FAM178B: variants seen among roughly 807,000 people sequenced by gnomAD.
FAM178B encodes protein FAM178B.
Under a neutral mutation model 91.7 loss-of-function variants are expected in FAM178B, and 82 were observed. That is an observed-to-expected ratio of 0.89 (90% CI 0.75 to 1.07). The LOEUF is 1.07. FAM178B is among the 50% of genes least tolerant of loss of function. FAM178B has a pLI of 0.00. For missense variants in FAM178B, 769 were observed against 846.7 expected (o/e 0.91, Z 1.14); for synonymous variants, 368 against 359.4 (o/e 1.02, Z -0.27).
rs558987197 is a variant in FAM178B, at chr2:96,955,761, C to T, written c.888-4277G>A. Among the ~76,000 whole-genome samples, 3 of 152,274 alleles carry T rather than the reference C, an allele frequency of 2.0e-5. No individual in the cohort carries two copies. The South Asian group carries it at 6.2e-4, about 32-fold the overall frequency. ...ATAATGGCCCTGCTTGCTACCTCCG[C>T]TTGCTCTTTATTTTGGGGGGCAGAT... On this transcript the variant is annotated intron_variant, in intron 6 of 16. Coordinates refer to ENST00000490605, the MANE Select transcript of FAM178B (RefSeq NM_001122646.3).
chr2:96,925,101 C>T (rs557475375), intron 9 of FAM178B, among the ~76,000 whole-genome samples: 2 of 152,194 alleles, frequency 1.3e-5, no homozygotes, highest in South Asian at 4.1e-4. Flanking sequence ...GGGCCTGCGC[C>T]AGTACGTGAG....
At chr2:96,911,250 C>G (rs2081151897) in intron 12 of FAM178B, among the ~76,000 whole-genome samples, 1 of 152,156 alleles carries the variant, frequency 6.6e-6, no homozygotes, top group South Asian at 2.1e-4. Context: ...AGGGGGACAG[C>G]CTGATGGGCC....
At chr2:96,901,345 T>G (rs1229121220) in intron 13 of FAM178B, among the ~76,000 whole-genome samples, 1 of 148,338 alleles carries the variant, frequency 6.7e-6, no homozygotes, top group African/African-American at 2.4e-5. Flanking sequence ...GCTAATTTTT[T>G]GTTTTTTTAG....
In FAM178B at chr2:96,986,128, C is replaced by A. The variant is rs572735495; in HGVS notation, c.73+113G>T. 134 of 1,484,758 alleles carry A rather than the reference C, an allele frequency of 9.0e-5. 5 individuals are homozygous for A. In the South Asian group the frequency reaches 1.5e-3, roughly 17 times the overall value. The allele number at this position is 1,484,758 out of a possible 1,614,324, so 92.0% of individuals were successfully genotyped here. On this transcript the variant is annotated intron_variant, in intron 1 of 16. Coordinates refer to ENST00000490605, the MANE Select transcript of FAM178B (RefSeq NM_001122646.3). ...GAAAAGCGCCAGAGTAGCCCGGCGGCCGCACCGGGGCTGACCTGCAAGGCC... is the reference window on the plus strand; with the variant it reads ...GAAAAGCGCCAGAGTAGCCCGGCGGACGCACCGGGGCTGACCTGCAAGGCC...
At chr2:96,970,909 T>TA (rs1430885957) in intron 3 of FAM178B, 132 bp from the exon 4 acceptor site, 4 of 730,050 alleles carry the variant, frequency 5.5e-6, no homozygotes, top group Non-Finnish European at 9.0e-6. Context: ...TTTACAGGAT[T>TA]AAAAAATCAA....
At chr2:96,899,851 C>CTTTTTT (rs78433909) in intron 13 of FAM178B, among the ~76,000 whole-genome samples, 2 of 113,512 alleles carry the variant, frequency 1.8e-5, no homozygotes, top group Non-Finnish European at 3.5e-5. Flanking sequence ...ATTCCCCACT[C>CTTTTTT]TTTTTTTTTT....
chr2:96,929,258 C>T lies in FAM178B; in HGVS notation c.1141G>A (p.Gly381Ser). Residue 381 changes from glycine (G) to serine (S), a missense_variant, in exon 9 of 17, where the codon GGT (glycine) becomes AGT (serine). Coordinates refer to ENST00000490605, the MANE Select transcript of FAM178B (RefSeq NM_001122646.3). ...QEVREAFHSL[G>S]AHSPALYPLG... ...GGGTACAGGGCAGGACTGTGGGCAC[C>T]CAGGCTGTGGAATGCCTCCCTGACT... 8 of 1,551,614 alleles carry T rather than the reference C, an allele frequency of 5.2e-6. No homozygotes were observed. The highest frequency in any genetic ancestry group is 7.0e-6 in the Non-Finnish European group (8 of 1,146,948).
Position 96,908,711 on chromosome 2 carries a change from G to A in FAM178B, c.1563-6004C>T, listed in dbSNP as rs79715497. On this transcript the variant is annotated intron_variant, in intron 12 of 16. Transcript: ENST00000490605. ...GGATGATCTCTTTTGCAAAGGGCAC[G>A]AAGTGTCCACCTATGATATGGGTCC... 1.8e-4 allele frequency among the ~76,000 whole-genome samples: 28 copies of A among 152,298 alleles called. No homozygotes were observed. In the East Asian group the frequency reaches 3.9e-3, roughly 21 times the overall value.
intron 12 of FAM178B, among the ~76,000 whole-genome samples, chr2:96,903,915 C>T (rs1040023633): frequency 6.6e-6 from 1 of 152,116 alleles, no homozygotes; most frequent in Non-Finnish European, 1.5e-5. Context: ...TCAGAGGACT[C>T]GACAAAGCAG....
Position 96,986,296 on chromosome 2 carries a change from T to C in FAM178B, c.18A>G (p.Pro6=), listed in dbSNP as rs949444471. MWPRL[P]GAGLAPQLRR... is the part of the protein sequence containing the mutation. ...TGAGTTGTGGAGCGAGGCCCGCACC[T>C]GGAAGCCTTGGCCACATAGGGCGGG... The change falls in exon 1 of 17, where the codon CCA becomes CCG. Residue 6 remains proline (P), a synonymous_variant. Transcript: ENST00000490605. 5 of 1,534,050 alleles carry C rather than the reference T, an allele frequency of 3.3e-6. No homozygotes were observed. The highest frequency in any genetic ancestry group is 2.1e-4 in the Middle Eastern group (1 of 4,786).
chr2:96,905,846 A>G (rs866702174), intron 12 of FAM178B, among the ~76,000 whole-genome samples: 5 of 26,914 alleles, frequency 1.9e-4, no homozygotes, highest in Non-Finnish European at 3.1e-4. Flanking sequence ...ATATATATAT[A>G]TATATATATA....
intron 14 of FAM178B, among the ~76,000 whole-genome samples, chr2:96,886,390 G>T (rs1437713105): frequency 6.6e-6 from 1 of 152,208 alleles, no homozygotes; most frequent in African/African-American, 2.4e-5. Context: ...GCTCTTTCTT[G>T]TCCAGGAAGA....
chr2:96,972,786 T>C (rs1479045004), intron 1 of FAM178B, among the ~76,000 whole-genome samples, 180 bp from the exon 2 acceptor site: 1 of 152,214 alleles, frequency 6.6e-6, no homozygotes, highest in African/African-American at 2.4e-5. Context: ...ATCTGACTTC[T>C]CATTTCAAGG....
intron 6 of FAM178B, among the ~76,000 whole-genome samples, chr2:96,956,177 C>A: frequency 6.6e-6 from 1 of 152,216 alleles, no homozygotes. Context: ...TTGGTCCTGA[C>A]ACTTTTCCAT....
intron 6 of FAM178B, among the ~76,000 whole-genome samples, chr2:96,957,322 C>T (rs1018726906): frequency 6.6e-6 from 1 of 152,210 alleles, no homozygotes; most frequent in Non-Finnish European, 1.5e-5. Flanking sequence ...TAAATGGTGA[C>T]CTCCAGGAAG....
chr2:96,930,210 C>CAAAAAAAAAAAA (rs60102987), intron 8 of FAM178B, among the ~76,000 whole-genome samples: 1 of 39,486 alleles, frequency 2.5e-5, no homozygotes, highest in African/African-American at 1.4e-4. Flanking sequence ...TCCGTCTCTC[C>CAAAAAAAAAAAA]AAAAAAAAAA....
At chr2:96,879,662 C>T (rs961569579) in intron 14 of FAM178B, among the ~76,000 whole-genome samples, 7 of 152,388 alleles carry the variant, frequency 4.6e-5, no homozygotes, top group Non-Finnish European at 1.0e-4. Context: ...CACACAACGG[C>T]TAAGGCCCAC....
At position 96,967,633 on chromosome 2, in the gene FAM178B, G is replaced by A. The variant is rs2153375462; in HGVS notation, c.627-6C>T. 2 of 1,538,434 alleles carry A rather than the reference G, an allele frequency of 1.3e-6. No homozygotes were observed. Among genetic ancestry groups the A allele is most frequent in the Non-Finnish European group, 1.8e-6 (2 of 1,137,894 alleles). ...CCTGCTCCAGGGCCTGTTCCCTATA[G>A]GAAGTCGAGGGCCAGAGCCGGGGGT... On this transcript the variant is annotated splice_polypyrimidine_tract_variant and splice_region_variant and intron_variant, in intron 4 of 16. Coordinates refer to ENST00000490605, the MANE Select transcript of FAM178B (RefSeq NM_001122646.3).
At chr2:96,909,762 T>C (rs1439793387) in intron 12 of FAM178B, among the ~76,000 whole-genome samples, 1 of 152,154 alleles carries the variant, frequency 6.6e-6, no homozygotes, top group African/African-American at 2.4e-5. Context: ...ATCATTACAG[T>C]CTGTTGAGAT....
Sources: allele counts gnomAD v4.1 joint callset (sites outside exome capture counted in the v4.1 genomes callset), GRCh38; gene constraint gnomAD v4.1.1; transcripts MANE v1.5; gene names NCBI Gene and HGNC (gene_info 2026-07-23, HGNC 2026-07-21).